Variants in ITGBL1 observed in about 807,000 individuals in gnomAD.
ITGBL1 encodes integrin subunit beta like 1.
A neutral mutation model predicts 68.5 loss-of-function variants in ITGBL1; 51 were observed. The ratio of observed to expected loss-of-function variants is 0.74; its 90% CI spans 0.59 to 0.94. ITGBL1 has a LOEUF of 0.94. ITGBL1 is among the 40% of genes least tolerant of loss of function. ITGBL1 has a pLI of 0.00. For synonymous variants in ITGBL1, 209 were observed against 227.3 expected, an observed-to-expected ratio of 0.92 and a Z score of 0.72; for missense variants, 649 against 647.4, an observed-to-expected ratio of 1.00 and a Z score of -0.03.
At chr13:101,684,257 G>A (rs985834850) in intron 7 of ITGBL1, among the ~76,000 whole-genome samples, 3 of 151,800 alleles carry the variant, frequency 2.0e-5, no homozygotes, top group Non-Finnish European at 2.9e-5. Context: ...TATGATTACT[G>A]TGCCTTTAAA....
At chr13:101,594,259 C>T (rs1003723253) in intron 6 of ITGBL1, among the ~76,000 whole-genome samples, 6 of 151,972 alleles carry the variant, frequency 3.9e-5, no homozygotes, top group African/African-American at 1.4e-4. Context: ...ACAGAATAGA[C>T]AGCATAGAAA....
At chr13:101,469,727 ATGT>A (rs1486913285) in intron 2 of ITGBL1, among the ~76,000 whole-genome samples, 1 of 152,106 alleles carries the variant, frequency 6.6e-6, no homozygotes. Context: ...ACAAAAACAG[ATGT>A]TGTATTTTAA....
intron 2 of ITGBL1, among the ~76,000 whole-genome samples, chr13:101,494,709 A>G (rs1284476764): frequency 6.6e-6 from 1 of 152,212 alleles, no homozygotes; most frequent in African/African-American, 2.4e-5. Flanking sequence ...CATTAAAATG[A>G]TGAGTATGAA....
chr13:101,564,403 T>C (rs868252327), intron 2 of ITGBL1, among the ~76,000 whole-genome samples: 1 of 151,862 alleles, frequency 6.6e-6, no homozygotes, highest in Non-Finnish European at 1.5e-5. Context: ...CAAAAGATAC[T>C]GTTAATAGAA....
At chr13:101,593,939 C>A (rs1013084558) in intron 6 of ITGBL1, among the ~76,000 whole-genome samples, 2 of 151,988 alleles carry the variant, frequency 1.3e-5, no homozygotes, top group African/African-American at 4.8e-5. Context: ...ATGATAAATG[C>A]ATAAGGTGAT....
At chr13:101,554,850 T>C (rs891381355) in intron 2 of ITGBL1, among the ~76,000 whole-genome samples, 1 of 152,166 alleles carries the variant, frequency 6.6e-6, no homozygotes, top group Non-Finnish European at 1.5e-5. Flanking sequence ...TAGTGTCCTT[T>C]TCATTTAAAT....
At chr13:101,676,199 G>A (rs1189006232) in intron 7 of ITGBL1, among the ~76,000 whole-genome samples, 1 of 151,352 alleles carries the variant, frequency 6.6e-6, no homozygotes, top group Non-Finnish European at 1.5e-5. Flanking sequence ...ACCTGTTTTT[G>A]TTTTGTTTTG....
At chr13:101,458,094 G>A (rs185186493) in intron 2 of ITGBL1, among the ~76,000 whole-genome samples, 2 of 152,288 alleles carry the variant, frequency 1.3e-5, no homozygotes, top group Admixed American at 6.5e-5. Flanking sequence ...TGAAGGGAGT[G>A]TAAAGATGAG....
Position 101,597,419 on chromosome 13 carries a change from CAAAAAA to C in ITGBL1, c.869-717_869-712del, listed in dbSNP as rs35737952. Among the ~76,000 whole-genome samples, 123 of 127,216 alleles carry C rather than the reference CAAAAAA, an allele frequency of 9.7e-4. 3 individuals carry two copies. The highest frequency in any genetic ancestry group is 2.2e-3 in the East Asian group (10 of 4,530). 83.5% of individuals were successfully genotyped at this position (127,216 alleles called of 152,430 possible). A position where few individuals can be genotyped will look rare whatever the true frequency, so the allele number is the denominator to read the frequency against. On this transcript the variant is annotated intron_variant, in intron 6 of 10. Transcript: ENST00000376180. ...ATATATTAAAAAGTAGTCTAAAAAGCAAAAAAAAAAAAAAAAAAAAAATCCTGCTTC... is the reference window on the plus strand; with the variant it reads ...ATATATTAAAAAGTAGTCTAAAAAGCAAAAAAAAAAAAAAAATCCTGCTTC...
chr13:101,694,371 G>A (rs2033955501), intron 8 of ITGBL1, among the ~76,000 whole-genome samples: 1 of 152,034 alleles, frequency 6.6e-6, no homozygotes, highest in Non-Finnish European at 1.5e-5. Flanking sequence ...CCTTGAAAGT[G>A]CCATCTACAT....
chr13:101,713,658 C>T (rs551087203), intron 9 of ITGBL1: 4 of 152,268 alleles, frequency 2.6e-5, no homozygotes, highest in Admixed American at 1.3e-4. Context: ...GGATACCATT[C>T]ATCATCTCAT....
intron 3 of ITGBL1, among the ~76,000 whole-genome samples, chr13:101,571,397 A>G (rs372763151): frequency 6.6e-6 from 1 of 151,938 alleles, no homozygotes; most frequent in East Asian, 1.9e-4. Context: ...GACTTATTTT[A>G]TTTTCTTCTC....
At chr13:101,671,440 T>TTG (rs2033365864) in intron 7 of ITGBL1, among the ~76,000 whole-genome samples, 2 of 93,812 alleles carry the variant, frequency 2.1e-5, no homozygotes, top group South Asian at 4.6e-4. Flanking sequence ...TTTTTTTGTT[T>TTG]TTTTTTGTTT....
chr13:101,475,814 G>A, intron 2 of ITGBL1, among the ~76,000 whole-genome samples: 1 of 143,584 alleles, frequency 7.0e-6, no homozygotes, highest in East Asian at 2.1e-4. Flanking sequence ...GGGGGCTGGG[G>A]AGGTGGGGAA....
intron 3 of ITGBL1, among the ~76,000 whole-genome samples, chr13:101,572,682 A>G (rs1047510356): frequency 6.6e-6 from 1 of 152,038 alleles, no homozygotes; most frequent in African/African-American, 2.4e-5. Context: ...TTTATGGGTG[A>G]GACAGGAAGT....
At chr13:101,601,383 C>A (rs1359048161) in intron 7 of ITGBL1, among the ~76,000 whole-genome samples, 1 of 152,188 alleles carries the variant, frequency 6.6e-6, no homozygotes, top group East Asian at 1.9e-4. Flanking sequence ...TTTCAAAAAA[C>A]CAGCTCCTGG....
intron 3 of ITGBL1, among the ~76,000 whole-genome samples, chr13:101,574,212 C>T (rs1469796993): frequency 6.6e-6 from 1 of 152,028 alleles, no homozygotes; most frequent in African/African-American, 2.4e-5. Flanking sequence ...CCATGAACTG[C>T]ACCTCAGGTT....
intron 8 of ITGBL1, 75 bp downstream of exon 8, chr13:101,692,776 T>C: frequency 2.2e-6 from 2 of 916,506 alleles, no homozygotes; most frequent in Non-Finnish European, 1.8e-6. Flanking sequence ...CTACTGACTC[T>C]TGCTTTTTCA....
intron 2 of ITGBL1, among the ~76,000 whole-genome samples, chr13:101,482,908 C>G (rs1001684776): frequency 6.6e-6 from 1 of 152,146 alleles, no homozygotes; most frequent in African/African-American, 2.4e-5. Context: ...TGTGAATTCT[C>G]AGTTTCATAC....
Sources: allele counts gnomAD v4.1 joint callset (sites outside exome capture counted in the v4.1 genomes callset), GRCh38; gene constraint gnomAD v4.1.1; transcripts MANE v1.5; gene names NCBI Gene and HGNC (gene_info 2026-07-23, HGNC 2026-07-21).